ENPP1: variants seen among roughly 807,000 people sequenced by gnomAD.
ENPP1 encodes ectonucleotide pyrophosphatase/phosphodiesterase family member 1.
ENPP1 carries 73 observed loss-of-function variants against 122.8 expected under a neutral mutation model. The observed-to-expected ratio is 0.59, with a 90% CI of 0.49 to 0.72. The LOEUF (loss-of-function observed/expected upper bound fraction) is 0.72, where lower values mean the gene tolerates loss of function less well. Ranked by LOEUF, ENPP1 falls within the 30% of genes least tolerant of loss-of-function variation. The pLI, the probability that ENPP1 is intolerant of heterozygous loss-of-function variation, is 0.00. For synonymous variants in ENPP1, 367 were observed against 391.6 expected, an observed-to-expected ratio of 0.94 and a Z score of 0.74; for missense variants, 978 against 1,128.1, an observed-to-expected ratio of 0.87 and a Z score of 1.91.
chr6:131,808,184 T>G lies in ENPP1; in HGVS notation c.149T>G (p.Leu50Arg). The change falls in exon 1 of 25, where the codon CTG (leucine) becomes CGG (arginine). Residue 50 changes from leucine to arginine, a missense_variant. Physicochemically the swap from Leu to Arg is moderately radical, Grantham distance 102. Around this residue, in one of 3 missense-constraint regions of ENPP1, gnomAD observed 330 missense variants for 328.5 expected, o/e 1.00. Coordinates refer to ENST00000647893, the MANE Select transcript of ENPP1 (RefSeq NM_006208.3). ...PGDPQAAASL[L>R]APMDVGEEPL... is the part of the protein sequence containing the mutation. Reference sequence around the variant, plus strand: ...GACCCGCAGGCGGCCGCGTCCTTGCTGGCCCCTATGGACGTGGGGGAGGAG... The same window carrying G: ...GACCCGCAGGCGGCCGCGTCCTTGCGGGCCCCTATGGACGTGGGGGAGGAG... 6.7e-7 allele frequency: 1 copy of G among 1,490,482 alleles called. No individual in the cohort carries two copies. The highest frequency in any genetic ancestry group is 8.9e-7 in the Non-Finnish European group (1 of 1,119,122). 92.3% of individuals were successfully genotyped at this position (1,490,482 alleles called of 1,614,324 possible).
chr6:131,815,616 C>T (rs1293181751), intron 1 of ENPP1, among the ~76,000 whole-genome samples: 1 of 152,062 alleles, frequency 6.6e-6, no homozygotes, highest in Non-Finnish European at 1.5e-5. Context: ...TTGGTGGTCA[C>T]ATTGAGAGAC....
chr6:131,886,492 T>G lies in ENPP1; in HGVS notation c.2445-70T>G, dbSNP rs1253094854. The G allele has an allele frequency of 7.0e-6, 8 of 1,140,396 alleles. No individual in the cohort carries two copies. The African/African-American group carries it at 1.2e-4, about 18-fold the overall frequency. The allele number at this position is 1,140,396 out of a possible 1,614,324, so 70.6% of individuals were successfully genotyped here. ...ATTTTTATATGTATTAAAAGCATGC[T>G]CTACTGAAATATTCATCAAAAGGAA... On this transcript the variant is annotated intron_variant, in intron 23 of 24. Transcript: ENST00000647893.
At chr6:131,880,102 T>G in intron 20 of ENPP1, 68 bp downstream of exon 20, 1 of 1,445,668 alleles carries the variant, frequency 6.9e-7, no homozygotes, top group Middle Eastern at 1.7e-4. Context: ...ATTAAATGCA[T>G]AGTTTCTCAC....
rs1368029937 is a variant in ENPP1, at chr6:131,892,002, T to C, written c.*1491T>C. The C allele has an allele frequency of 6.6e-6, 1 of 152,192 alleles. No homozygotes were observed. Among genetic ancestry groups the C allele is most frequent in the Non-Finnish European group, 1.5e-5 (1 of 68,032 alleles). The allele number at this position is 152,192 out of a possible 1,614,324, so 9.4% of individuals were successfully genotyped here. ...TTTATATCTTCTATTTGCTGAGAAT[T>C]TCTGTCTCTTTGCTGAGACTTTCTA... On this transcript the variant is annotated 3_prime_UTR_variant, in exon 25 of 25. Coordinates refer to ENST00000647893, the MANE Select transcript of ENPP1 (RefSeq NM_006208.3).
Position 131,850,068 on chromosome 6 carries a change from A to G in ENPP1, c.392A>G (p.Asn131Ser), listed in dbSNP as rs775898493. 1.2e-6 allele frequency: 2 copies of G among 1,613,734 alleles called. No individual in the cohort carries two copies. Among genetic ancestry groups the G allele is most frequent in the African/African-American group, 1.3e-5 (1 of 74,880 alleles). Reference protein sequence around the residue: ...RCDAACVELGNCCLDYQETCI... With the variant: ...RCDAACVELGSCCLDYQETCI... ...GATGCTGCCTGTGTTGAGCTTGGAA[A>G]CTGCTGTTTAGATTACCAGGAGACG... Residue 131 changes from asparagine (N) to serine (S), a missense_variant, in exon 3 of 25, where the codon AAC (asparagine) becomes AGC (serine). Physicochemically the swap from Asn to Ser is conservative, Grantham distance 46 (BLOSUM62 1). Transcript: ENST00000647893.
intron 1 of ENPP1, among the ~76,000 whole-genome samples, chr6:131,837,056 C>T (rs1781683013): frequency 6.6e-6 from 1 of 151,990 alleles, no homozygotes; most frequent in Non-Finnish European, 1.5e-5. Flanking sequence ...GTTATGTTGC[C>T]ATTAGCCTAC....
chr6:131,810,450 C>A (rs1372711661), intron 1 of ENPP1, among the ~76,000 whole-genome samples: 7 of 132,680 alleles, frequency 5.3e-5, no homozygotes, highest in Non-Finnish European at 6.4e-5. Flanking sequence ...CCAACCCCGC[C>A]CCCCCCCCAA....
At chr6:131,850,787 C>T (rs78437899) in intron 3 of ENPP1, among the ~76,000 whole-genome samples, 4,184 of 152,116 alleles carry the variant, frequency 0.028, 209 homozygotes, top group African/African-American at 0.092. Flanking sequence ...CAGGTTGATC[C>T]CAAACTCCTG....
chr6:131,841,868 C>T lies in ENPP1; in HGVS notation c.241-5908C>T, dbSNP rs75007524. ...GCAAGTCCAAGACCTCATTTCCCAC[C>T]GGACTCATAACATAGCCTTCCACAA... On this transcript the variant is annotated intron_variant, in intron 1 of 24. Coordinates refer to ENST00000647893, the MANE Select transcript of ENPP1 (RefSeq NM_006208.3). Among the ~76,000 whole-genome samples the T allele has an allele frequency of 3.6e-3, 555 of 152,240 alleles. 9 individuals carry two copies. The highest frequency in any genetic ancestry group is 0.013 in the African/African-American group (536 of 41,546).
chr6:131,888,647 A>G (rs913944764), intron 24 of ENPP1, among the ~76,000 whole-genome samples: 1 of 152,136 alleles, frequency 6.6e-6, no homozygotes, highest in African/African-American at 2.4e-5. Flanking sequence ...TATAGAACAC[A>G]TTTCTCATTA....
At chr6:131,847,684 T>C in intron 1 of ENPP1, 92 bp from the exon 2 acceptor site, 1 of 903,180 alleles carries the variant, frequency 1.1e-6, no homozygotes. Flanking sequence ...CTAGCCTGGG[T>C]AACAGAGTAA....
At chr6:131,813,010 T>C (rs1166676155) in intron 1 of ENPP1, among the ~76,000 whole-genome samples, 5 of 152,086 alleles carry the variant, frequency 3.3e-5, no homozygotes, top group Non-Finnish European at 5.9e-5. Flanking sequence ...TGGCTAATTT[T>C]TTTGTATTTT....
intron 1 of ENPP1, chr6:131,828,229 T>A (rs1311522337): frequency 3.6e-6 from 2 of 561,522 alleles, no homozygotes; most frequent in African/African-American, 1.9e-5. Flanking sequence ...GTGCAATGAT[T>A]GTCAAATTCC....
intron 1 of ENPP1, among the ~76,000 whole-genome samples, chr6:131,816,372 C>T (rs553951484): frequency 1.1e-4 from 16 of 152,198 alleles, no homozygotes; most frequent in African/African-American, 3.4e-4. Flanking sequence ...AAAATACCCC[C>T]CAAACAAGAA....
chr6:131,819,963 C>G, intron 1 of ENPP1: 2 of 520,492 alleles, frequency 3.8e-6, no homozygotes, highest in Non-Finnish European at 7.2e-6. Flanking sequence ...TCGCATCTTG[C>G]TGAAGCAGAG....
intron 20 of ENPP1, among the ~76,000 whole-genome samples, chr6:131,881,052 A>G (rs1044318551): frequency 6.6e-6 from 1 of 152,122 alleles, no homozygotes; most frequent in Non-Finnish European, 1.5e-5. Flanking sequence ...ACTGGGCTGA[A>G]ACTGAAAGTG....
chr6:131,869,634 G>T, intron 13 of ENPP1, 145 bp downstream of exon 13: 1 of 717,200 alleles, frequency 1.4e-6, no homozygotes, highest in Non-Finnish European at 2.5e-6. Flanking sequence ...TTCGAGACCA[G>T]CCTGGCCAAC....
chr6:131,858,852 A>G (rs1781982212), intron 7 of ENPP1, 105 bp downstream of exon 7: 2 of 866,840 alleles, frequency 2.3e-6, no homozygotes, highest in African/African-American at 1.7e-5. Context: ...CTTATTTTCC[A>G]ATAGGTAGTT....
chr6:131,856,447 C>A (rs1484013014), intron 6 of ENPP1, among the ~76,000 whole-genome samples: 1 of 150,156 alleles, frequency 6.7e-6, no homozygotes, highest in Non-Finnish European at 1.5e-5. Flanking sequence ...GTTACCTGTT[C>A]ACTCTGATGG....
Sources: allele counts gnomAD v4.1 joint callset (sites outside exome capture counted in the v4.1 genomes callset), GRCh38; gene constraint gnomAD v4.1.1; regional missense constraint gnomAD v4.1.1; transcripts MANE v1.5; gene names NCBI Gene and HGNC (gene_info 2026-07-23, HGNC 2026-07-21).